Variants in MAP1S observed in about 807,000 individuals in gnomAD.
MAP1S encodes microtubule-associated protein 1S.
In MAP1S, 27 loss-of-function variants were observed where a neutral mutation model predicts 60.9. That is an observed-to-expected ratio of 0.44 (90% CI 0.33 to 0.61). The LOEUF (loss-of-function observed/expected upper bound fraction) is 0.61, where lower values mean the gene tolerates loss of function less well. Ranked by LOEUF, MAP1S falls within the 20% of genes least tolerant of loss-of-function variation. The pLI is 0.03. For missense variants in MAP1S, 1,608 were observed against 1,486.6 expected (o/e 1.08, Z -1.34); for synonymous variants, 826 against 694.2 (o/e 1.19, Z -2.98).
chr19:17,719,602 C>G lies in MAP1S; in HGVS notation c.100C>G (p.Leu34Val), dbSNP rs1031458288. 2 of 1,244,114 alleles carry G rather than the reference C, an allele frequency of 1.6e-6. No homozygotes were observed. The highest frequency in any genetic ancestry group is 4.2e-5 in the Admixed American group (1 of 23,618). 77.1% of individuals were successfully genotyped at this position (1,244,114 alleles called of 1,614,324 possible). Residue 34 changes from leucine to valine, a missense_variant, in exon 1 of 7, where the codon CTG becomes GTG. Coordinates refer to ENST00000324096, the MANE Select transcript of MAP1S (RefSeq NM_018174.6). ...FGSPGLLTYV[L>V]EELERGIRSW... ...GAGCCCGGGGCTCCTCACCTACGTC[C>G]TGGAGGAGCTCGAAAGAGGTCGGGC...
At position 17,724,142 on chromosome 19, in the gene MAP1S, C is replaced by T. The variant is rs140695822; in HGVS notation, c.237C>T (p.His79=). 5.1e-5 allele frequency: 82 copies of T among 1,613,922 alleles called. No homozygotes were observed. In the African/African-American group the frequency reaches 1.0e-3, roughly 20 times the overall value. The stretch of plus-strand genomic sequence containing the variant: ...CCCCCACAGGCCAGCGGAGCCTGCA[C>T]CACCGTGGAGACAACCTGGAGACCC... ...SSIVKGQRSL[H]HRGDNLETLV... The change falls in exon 3 of 7, where the codon CAC becomes CAT. Residue 79 remains histidine (H), a synonymous_variant. Transcript: ENST00000324096.
Position 17,728,129 on chromosome 19 carries a change from C to T in MAP1S, c.2745C>T (p.Ser915=). 2 of 1,609,688 alleles carry T rather than the reference C, an allele frequency of 1.2e-6. No homozygotes were observed. Among genetic ancestry groups the T allele is most frequent in the Non-Finnish European group, 1.7e-6 (2 of 1,177,796 alleles). ...PSEKGGRAPL[S]RKSSTPKTAT... is the part of the protein sequence containing the mutation. ...AGAAGGGAGGCCGGGCACCCCTGTC[C>T]AGAAAGTCCTCAACCCCCAAGACTG... Residue 915 remains serine (S), a synonymous_variant, in exon 5 of 7, where the codon TCC becomes TCT. Transcript: ENST00000324096.
intron 5 of MAP1S, 43 bp from the exon 6 acceptor site, chr19:17,733,150 G>A: frequency 7.7e-7 from 1 of 1,302,060 alleles, no homozygotes; most frequent in Non-Finnish European, 1.1e-6. Context: ...CCCCTCCCCA[G>A]CCCCAGGAGC....
At chr19:17,732,145 A>G (rs1303989713) in intron 5 of MAP1S, among the ~76,000 whole-genome samples, 1 of 152,230 alleles carries the variant, frequency 6.6e-6, no homozygotes, top group Non-Finnish European at 1.5e-5. Flanking sequence ...TTAGTTCTCT[A>G]AATGTTTAGT....
In MAP1S at chr19:17,727,913, G is replaced by A. The variant is rs2080456167; in HGVS notation, c.2529G>A (p.Val843=). 3 of 1,611,824 alleles carry A rather than the reference G, an allele frequency of 1.9e-6. No homozygotes were observed. Among genetic ancestry groups the A allele is most frequent in the Non-Finnish European group, 1.7e-6 (2 of 1,179,562 alleles). The change falls in exon 5 of 7, where the codon GTG becomes GTA. Residue 843 remains valine (V), a synonymous_variant. Coordinates refer to ENST00000324096, the MANE Select transcript of MAP1S (RefSeq NM_018174.6). The surrounding 1 kb of genome is among the most constrained non-coding windows in gnomAD (Gnocchi z 4.1). Reference sequence around the variant, plus strand: ...CTGACCCATCCAGCATCTGCATGGTGGACCCCGAGATGCTGCCCCCCAAGA... The same window carrying A: ...CTGACCCATCCAGCATCTGCATGGTAGACCCCGAGATGCTGCCCCCCAAGA... ...PLPDPSSICM[V]DPEMLPPKTA...
At position 17,727,117 on chromosome 19, in the gene MAP1S, A is replaced by G. The variant is rs778692792; in HGVS notation, c.1733A>G (p.Asn578Ser). 1 of 1,598,934 alleles carries G rather than the reference A, an allele frequency of 6.3e-7. No individual in the cohort carries two copies. Among genetic ancestry groups the G allele is most frequent in the South Asian group, 1.1e-5 (1 of 89,280 alleles). ...TSHSGFPPVA[N>S]GPRSPPSLRC... ...CACTCTGGCTTCCCGCCGGTGGCAA[A>G]TGGACCCCGCAGCCCGCCCAGCCTC... The change falls in exon 5 of 7, where the codon AAT (asparagine) becomes AGT (serine). Residue 578 changes from asparagine (N) to serine (S), a missense_variant. This residue lies in a region of MAP1S where 1,167 missense variants were observed against 961.4 expected (regional missense o/e 1.21). Coordinates refer to ENST00000324096, the MANE Select transcript of MAP1S (RefSeq NM_018174.6). This position sits in a 1 kb window ranked among gnomAD's most constrained non-coding sequence, Gnocchi z 4.1.
intron 3 of MAP1S, 109 bp downstream of exon 3, chr19:17,724,317 A>C: frequency 6.1e-6 from 5 of 825,316 alleles, no homozygotes; most frequent in Non-Finnish European, 1.0e-5. Flanking sequence ...CTCTCAAGAC[A>C]CCCGGCACCA....
chr19:17,721,181 C>G (rs1338686643), intron 2 of MAP1S, 144 bp downstream of exon 2: 2 of 717,882 alleles, frequency 2.8e-6, no homozygotes, highest in Non-Finnish European at 5.0e-6. Context: ...AAGCCGTGAC[C>G]CAGTGATAAC....
At position 17,719,481 on chromosome 19, in the gene MAP1S, A is replaced by G; in HGVS notation, c.-22A>G. 3.2e-6 allele frequency: 4 copies of G among 1,236,770 alleles called. No homozygotes were observed. The highest frequency in any genetic ancestry group is 1.0e-6 in the Non-Finnish European group (1 of 981,918). The allele number at this position is 1,236,770 out of a possible 1,614,324, so 76.6% of individuals were successfully genotyped here. On this transcript the variant is annotated 5_prime_UTR_variant, in exon 1 of 7. Coordinates refer to ENST00000324096, the MANE Select transcript of MAP1S (RefSeq NM_018174.6). ...GGCGGGGCCTGCGGGGCGGGCGCCG[A>G]GAACGCCGGGGCGGCCCGAAGATGG...
chr19:17,732,330 GT>G (rs2080500018), intron 5 of MAP1S, among the ~76,000 whole-genome samples: 1 of 152,190 alleles, frequency 6.6e-6, no homozygotes, highest in Non-Finnish European at 1.5e-5. Context: ...TACAGACGGG[GT>G]AGTACTCTTA....
In MAP1S at chr19:17,727,715, G is replaced by T; in HGVS notation, c.2331G>T (p.Leu777=). 1 of 1,606,412 alleles carries T rather than the reference G, an allele frequency of 6.2e-7. No homozygotes were observed. ...SARSQERAGG[L]GAEETPPTSV... Reference sequence around the variant, plus strand: ...GGTCACAGGAACGGGCAGGTGGGCTGGGGGCCGAGGAGACGCCACCCACAT... The same window carrying T: ...GGTCACAGGAACGGGCAGGTGGGCTTGGGGCCGAGGAGACGCCACCCACAT... The change falls in exon 5 of 7, where the codon CTG becomes CTT. Residue 777 remains leucine, a synonymous_variant. Coordinates refer to ENST00000324096, the MANE Select transcript of MAP1S (RefSeq NM_018174.6). The surrounding 1 kb of genome is among the most constrained non-coding windows in gnomAD (Gnocchi z 4.1).
At chr19:17,728,284 T>C (rs1342266732) in intron 5 of MAP1S, 112 bp downstream of exon 5, 1 of 1,213,592 alleles carries the variant, frequency 8.2e-7, no homozygotes, top group Non-Finnish European at 1.1e-6. Context: ...ATGGTCTCAC[T>C]CTGTCTCTGA....
chr19:17,726,429 G>A lies in MAP1S; in HGVS notation c.1045G>A (p.Ala349Thr), dbSNP rs1301514393. 6.4e-7 allele frequency: 1 copy of A among 1,563,168 alleles called. No individual in the cohort carries two copies. The highest frequency in any genetic ancestry group is 2.3e-5 in the East Asian group (1 of 42,964). The stretch of plus-strand genomic sequence containing the variant: ...CGCCTGCGAGGCCGCGTCGCGGCTG[G>A]CGCGCGGCGAGGATGAGGCGGAGCT... ...FNACEAASRL[A>T]RGEDEAELAL... Residue 349 changes from alanine to threonine, a missense_variant, in exon 5 of 7, where the codon GCG (alanine) becomes ACG (threonine). Transcript: ENST00000324096.
At chr19:17,720,522 A>G (rs1455153043) in intron 1 of MAP1S, 2 of 1,490,596 alleles carry the variant, frequency 1.3e-6, no homozygotes, top group Admixed American at 4.4e-5. Context: ...GCTGCAAGGG[A>G]CTGAGAGGAC....
In MAP1S at chr19:17,728,098, C is replaced by G; in HGVS notation, c.2714C>G (p.Pro905Arg). Residue 905 changes from proline to arginine, a missense_variant, in exon 5 of 7, where the codon CCC becomes CGC. Physicochemically the swap from Pro to Arg is moderately radical, Grantham distance 103 (BLOSUM62 -2). Coordinates refer to ENST00000324096, the MANE Select transcript of MAP1S (RefSeq NM_018174.6). Reference protein sequence around the residue: ...ASRPLSARSEPSEKGGRAPLS... With the variant: ...ASRPLSARSERSEKGGRAPLS... Reference sequence around the variant, plus strand: ...CGACCACTCAGTGCCCGGAGTGAGCCCAGTGAGAAGGGAGGCCGGGCACCC... The same window carrying G: ...CGACCACTCAGTGCCCGGAGTGAGCGCAGTGAGAAGGGAGGCCGGGCACCC... The G allele has an allele frequency of 6.2e-7, 1 of 1,612,590 alleles. No homozygotes were observed.
rs748863006 is a variant in MAP1S at position 17,728,145 on chromosome 19, C to G, written c.2761C>G (p.Pro921Ala). ...RAPLSRKSST[P>A]KTATRGPSGS... ...ACCCCTGTCCAGAAAGTCCTCAACC[C>G]CCAAGACTGCCACTCGAGGCCCGTC... The change falls in exon 5 of 7, where the codon CCC (proline) becomes GCC (alanine). Residue 921 changes from proline (P) to alanine (A), a missense_variant. Transcript: ENST00000324096. 2.5e-6 allele frequency: 4 copies of G among 1,600,438 alleles called. No homozygotes were observed. In the South Asian group the frequency reaches 3.3e-5, roughly 13 times the overall value.
intron 5 of MAP1S, 63 bp from the exon 6 acceptor site, chr19:17,733,130 G>T: frequency 8.6e-7 from 1 of 1,169,114 alleles, no homozygotes; most frequent in Non-Finnish European, 1.2e-6. Flanking sequence ...GGTCGAACTT[G>T]GAGCCTCGGC....
In MAP1S at chr19:17,719,555, T is replaced by G; in HGVS notation, c.53T>G (p.Leu18Arg). The G allele has an allele frequency of 8.0e-7, 1 of 1,246,076 alleles. No homozygotes were observed. The highest frequency in any genetic ancestry group is 1.0e-6 in the Non-Finnish European group (1 of 987,530). The allele number at this position is 1,246,076 out of a possible 1,614,324, so 77.2% of individuals were successfully genotyped here. Reference protein sequence around the residue: ...GAAAAPSSLLLVVGSEFGSPG... With the variant: ...GAAAAPSSLLRVVGSEFGSPG... ...GCCGCGGCTCCGAGCTCACTGCTCC[T>G]CGTGGTGGGCAGCGAGTTCGGGAGC... Residue 18 changes from leucine to arginine, a missense_variant, in exon 1 of 7, where the codon CTC becomes CGC. Physicochemically the swap from Leu to Arg is moderately radical, Grantham distance 102. Around this residue, in one of 4 missense-constraint regions of MAP1S, gnomAD observed 45 missense variants for 22.0 expected, o/e 2.04. Coordinates refer to ENST00000324096, the MANE Select transcript of MAP1S (RefSeq NM_018174.6).
At position 17,726,520 on chromosome 19, in the gene MAP1S, C is replaced by A. The variant is rs781357703; in HGVS notation, c.1136C>A (p.Ala379Asp). 6.4e-7 allele frequency: 1 copy of A among 1,559,186 alleles called. No homozygotes were observed. Among genetic ancestry groups the A allele is most frequent in the East Asian group, 2.4e-5 (1 of 42,262 alleles). The change falls in exon 5 of 7, where the codon GCC becomes GAC. Residue 379 changes from alanine to aspartate, a missense_variant. Coordinates refer to ENST00000324096, the MANE Select transcript of MAP1S (RefSeq NM_018174.6). ...PLPLSRGPVP[A>D]KPTVLFEKMG... is the part of the protein sequence containing the mutation. ...CCACTCAGCCGCGGCCCCGTGCCAG[C>A]CAAACCCACCGTGCTCTTCGAGAAG...
Sources: gnomAD v4.1 joint callset for allele counts (sites outside exome capture counted in the v4.1 genomes callset) on GRCh38, gnomAD v4.1.1 for gene constraint, gnomAD v4.1.1 regional missense constraint, Gnocchi (gnomAD v3.1) non-coding constraint, MANE v1.5 for transcripts, NCBI Gene and HGNC (gene_info 2026-07-23, HGNC 2026-07-21) for gene names.